MAP3K13: variants seen among roughly 807,000 people sequenced by gnomAD.
The protein encoded by MAP3K13 is mitogen-activated protein kinase kinase kinase 13.
MAP3K13 carries 52 observed loss-of-function variants against 104.0 expected under a neutral mutation model. That is an observed-to-expected ratio of 0.50 (90% CI 0.40 to 0.63). MAP3K13 has a LOEUF of 0.63. Ranked by LOEUF, MAP3K13 falls within the 20% of genes least tolerant of loss-of-function variation. The probability of loss-of-function intolerance (pLI) is 0.00; values close to 1 mark genes in which losing one functional copy is unlikely to be tolerated. For synonymous variants in MAP3K13, 394 were observed against 442.2 expected, an observed-to-expected ratio of 0.89 and a Z score of 1.37; for missense variants, 914 against 1,218.5, an observed-to-expected ratio of 0.75 and a Z score of 3.72.
Position 185,437,617 on chromosome 3 carries a change from A to G in MAP3K13, c.646A>G (p.Ile216Val). The part of the protein sequence containing the change: ...KHLRKLKHPN[I>V]IAFKGVCTQA... ...TTTGAGGAAGTTGAAGCACCCTAAC[A>G]TCATCGCATTCAAGTAGGTCAAGGC... Residue 216 changes from isoleucine to valine, a missense_variant, in exon 3 of 14, where the codon ATC (isoleucine) becomes GTC (valine). Around this residue, in one of 3 missense-constraint regions of MAP3K13, gnomAD observed 175 missense variants for 321.3 expected, o/e 0.54. Transcript: ENST00000265026. 1.9e-6 allele frequency: 3 copies of G among 1,603,914 alleles called. No homozygotes were observed. The highest frequency in any genetic ancestry group is 2.5e-6 in the Non-Finnish European group (3 of 1,177,396).
intron 1 of MAP3K13, among the ~76,000 whole-genome samples, chr3:185,369,072 G>A (rs1420840085): frequency 6.6e-6 from 1 of 152,076 alleles, no homozygotes; most frequent in Non-Finnish European, 1.5e-5. Flanking sequence ...TAAGTATTAG[G>A]TACGCAGCAG....
intron 7 of MAP3K13, among the ~76,000 whole-genome samples, chr3:185,454,657 ATAT>A (rs1716232155): frequency 9.2e-6 from 1 of 108,218 alleles, no homozygotes; most frequent in African/African-American, 3.8e-5. Flanking sequence ...TATGATATAT[ATAT>A]GATATATATG....
chr3:185,336,056 C>G (rs1722488090), intron 2 of MAP3K13, among the ~76,000 whole-genome samples: 1 of 151,884 alleles, frequency 6.6e-6, no homozygotes, highest in South Asian at 2.1e-4. Flanking sequence ...ATTCCCCTAC[C>G]TGCTGTTGCT....
intron 1 of MAP3K13, among the ~76,000 whole-genome samples, chr3:185,421,483 C>A (rs768042210): frequency 6.6e-6 from 1 of 152,180 alleles, no homozygotes; most frequent in Non-Finnish European, 1.5e-5. Flanking sequence ...CAGGCATGAG[C>A]CACCGCACCT....
chr3:185,380,909 T>A (rs1297869458), intron 1 of MAP3K13, among the ~76,000 whole-genome samples: 1 of 151,560 alleles, frequency 6.6e-6, no homozygotes, highest in Non-Finnish European at 1.5e-5. Flanking sequence ...TCCCAGTAGC[T>A]CCTAGGAAAT....
rs533467191 is a variant in MAP3K13 at position 185,357,756 on chromosome 3, T to A, written c.-85-70741T>A. Among the ~76,000 whole-genome samples the A allele has an allele frequency of 2.5e-3, 375 of 152,330 alleles. 3 individuals carry two copies. The highest frequency in any genetic ancestry group is 8.2e-3 in the African/African-American group (341 of 41,572). ...TCAGAGAAGAATCTTATATCCCTCA[T>A]TGGTAATCATCCTTTTGACAGGAAT... is the stretch of plus-strand genomic sequence containing the variant. On this transcript the variant is annotated intron_variant, in intron 2 of 14. Coordinates refer to the MAP3K13 transcript ENST00000424227.
chr3:185,449,925 C>T lies in MAP3K13; in HGVS notation c.1036C>T (p.Leu346=). The change falls in exon 6 of 14, where the codon CTG becomes TTG. Residue 346 remains leucine (L), a synonymous_variant. Transcript: ENST00000265026. ...GTCTTTTGGAGTGGTGCTTTGGGAG[C>T]TGCTGACAGGAGAGATCCCTTACAA... ...IWSFGVVLWE[L]LTGEIPYKDV... The T allele has an allele frequency of 1.9e-6, 3 of 1,612,184 alleles. No homozygotes were observed. In the South Asian group the frequency reaches 3.3e-5, roughly 18 times the overall value.
At chr3:185,396,295 G>A (rs1008816103) in intron 1 of MAP3K13, among the ~76,000 whole-genome samples, 14 of 152,096 alleles carry the variant, frequency 9.2e-5, no homozygotes, top group Non-Finnish European at 1.5e-4. Context: ...GCATGAACCC[G>A]GGAGGCGGGG....
At chr3:185,429,886 T>C (rs1714644823) in intron 2 of MAP3K13, among the ~76,000 whole-genome samples, 2 of 152,186 alleles carry the variant, frequency 1.3e-5, no homozygotes, top group African/African-American at 4.8e-5. Flanking sequence ...TTATTATTTC[T>C]AGATCACACA....
At chr3:185,386,857 A>G (rs1431020169) in intron 1 of MAP3K13, among the ~76,000 whole-genome samples, 1 of 152,192 alleles carries the variant, frequency 6.6e-6, no homozygotes, top group Non-Finnish European at 1.5e-5. Context: ...TGATGAGAAC[A>G]CATGGACACA....
At chr3:185,476,058 C>T (rs994086111) in intron 11 of MAP3K13, among the ~76,000 whole-genome samples, 2 of 152,108 alleles carry the variant, frequency 1.3e-5, no homozygotes, top group Admixed American at 6.5e-5. Context: ...ACTATCACCA[C>T]GACCAATTTT....
At chr3:185,283,052 G>T (rs950909547) in intron 1 of MAP3K13, 1 of 152,702 alleles carries the variant, frequency 6.5e-6, no homozygotes, top group Non-Finnish European at 1.5e-5. Context: ...GATCTGAACG[G>T]GGGGCGAGGG....
At chr3:185,367,920 G>A (rs1723966184) in intron 1 of MAP3K13, among the ~76,000 whole-genome samples, 1 of 152,180 alleles carries the variant, frequency 6.6e-6, no homozygotes, top group South Asian at 2.1e-4. Flanking sequence ...CCTGTTGGGA[G>A]CTTTTATATA....
chr3:185,374,331 G>A (rs1196864467), intron 1 of MAP3K13, among the ~76,000 whole-genome samples: 1 of 152,122 alleles, frequency 6.6e-6, no homozygotes, highest in Non-Finnish European at 1.5e-5. Flanking sequence ...GAGAGATAAT[G>A]GGCGATGTTT....
chr3:185,401,445 C>A (rs1712808996), intron 1 of MAP3K13, among the ~76,000 whole-genome samples: 1 of 152,150 alleles, frequency 6.6e-6, no homozygotes, highest in Admixed American at 6.5e-5. Flanking sequence ...TTGTCTTCAG[C>A]CCCTTCTATG....
intron 11 of MAP3K13, chr3:185,477,105 C>T (rs1351577780): frequency 3.1e-6 from 2 of 654,226 alleles, no homozygotes; most frequent in Non-Finnish European, 5.7e-6. Flanking sequence ...CTCAGTTCTA[C>T]ACGTCTTCCA....
In MAP3K13 at chr3:185,473,895, A is replaced by T; in HGVS notation, c.2430+134A>T. 3.9e-6 allele frequency: 4 copies of T among 1,027,192 alleles called. No individual in the cohort carries two copies. The highest frequency in any genetic ancestry group is 5.5e-6 in the Non-Finnish European group (4 of 721,368). 63.6% of individuals were successfully genotyped at this position (1,027,192 alleles called of 1,614,324 possible). A position where few individuals can be genotyped will look rare whatever the true frequency, so the allele number is the denominator to read the frequency against. ...AGGACAAGATAACAGAAACATAAATAGAAATTTATTTTACTTTAAATTCGT... is the reference window on the plus strand; with the variant it reads ...AGGACAAGATAACAGAAACATAAATTGAAATTTATTTTACTTTAAATTCGT... On this transcript the variant is annotated intron_variant, in intron 11 of 13. Transcript: ENST00000265026. This position sits in a 1 kb window ranked among gnomAD's most constrained non-coding sequence, Gnocchi z 4.9.
intron 2 of MAP3K13, among the ~76,000 whole-genome samples, chr3:185,357,692 A>G (rs779182744): frequency 2.6e-5 from 4 of 152,160 alleles, no homozygotes; most frequent in Admixed American, 1.3e-4. Flanking sequence ...TGAGAAATCC[A>G]TCTGCTTTTG....
At chr3:185,476,412 T>C (rs1718134500) in intron 11 of MAP3K13, 1 of 150,990 alleles carries the variant, frequency 6.6e-6, no homozygotes, top group Non-Finnish European at 1.5e-5. Flanking sequence ...ATTCATGATA[T>C]TTTAGAACTG....
Sources: allele counts gnomAD v4.1 joint callset (sites outside exome capture counted in the v4.1 genomes callset), GRCh38; gene constraint gnomAD v4.1.1; regional missense constraint gnomAD v4.1.1; non-coding constraint Gnocchi (gnomAD v3.1); transcripts MANE v1.5; gene names NCBI Gene and HGNC (gene_info 2026-07-23, HGNC 2026-07-21).